PDCD5: variants seen among roughly 807,000 people sequenced by gnomAD.
The protein encoded by PDCD5 is programmed cell death 5.
In PDCD5, 23 loss-of-function variants were observed where a neutral mutation model predicts 21.9. That is an observed-to-expected ratio of 1.05 (90% CI 0.76 to 1.49). The LOEUF is 1.49. Among genes scored for constraint, PDCD5 ranks in the 40% most tolerant of loss-of-function variants. The pLI is 0.00. For synonymous variants in PDCD5, 45 were observed against 49.4 expected (o/e 0.91, Z 0.37); for missense variants, 152 against 147.7 (o/e 1.03, Z -0.15).
At chr19:32,581,852 G>A (rs1971429915) in intron 1 of PDCD5, among the ~76,000 whole-genome samples, 1 of 152,180 alleles carries the variant, frequency 6.6e-6, no homozygotes, top group Non-Finnish European at 1.5e-5. Context: ...GGGACCTTAG[G>A]GACGGAGGGC....
intron 2 of PDCD5, 102 bp downstream of exon 2, chr19:32,582,334 T>C: frequency 1.7e-5 from 18 of 1,063,270 alleles, no homozygotes; most frequent in Non-Finnish European, 2.6e-5. Flanking sequence ...TTTTTTTGTT[T>C]TGCTGGAATG....
chr19:32,583,781 A>T (rs1444988206), intron 2 of PDCD5, among the ~76,000 whole-genome samples: 2 of 152,014 alleles, frequency 1.3e-5, no homozygotes, highest in Non-Finnish European at 2.9e-5. Flanking sequence ...AGCTGCAGTG[A>T]GCTGTGATTG....
chr19:32,586,490 G>T, intron 4 of PDCD5: 1 of 1,100,028 alleles, frequency 9.1e-7, no homozygotes. Context: ...CTCCTTCAAG[G>T]GGATGTTTAA....
rs370091519 is a variant in PDCD5, at chr19:32,585,046, C to G, written c.166+35C>G. 4 of 1,520,370 alleles carry G rather than the reference C, an allele frequency of 2.6e-6. No homozygotes were observed. The Admixed American group carries it at 5.0e-5, about 19-fold the overall frequency. 94.2% of individuals were successfully genotyped at this position (1,520,370 alleles called of 1,614,324 possible). On this transcript the variant is annotated intron_variant, in intron 3 of 5. Coordinates refer to ENST00000590247, the MANE Select transcript of PDCD5 (RefSeq NM_004708.4). ...TTTGATTTCATTTCCATAAAGTTAG[C>G]TTGAGTTAGTTGAATGGGGTGATTA...
intron 5 of PDCD5, 88 bp from the exon 6 acceptor site, chr19:32,587,164 CT>C: frequency 1.8e-6 from 2 of 1,090,662 alleles, no homozygotes; most frequent in Non-Finnish European, 2.8e-6. Context: ...ACACAAATGT[CT>C]TGCTAAAATT....
At chr19:32,584,696 C>T (rs1971459471) in intron 2 of PDCD5, among the ~76,000 whole-genome samples, 1 of 152,226 alleles carries the variant, frequency 6.6e-6, no homozygotes, top group Non-Finnish European at 1.5e-5. Flanking sequence ...TGAGGCTCCA[C>T]TCTGATGAAA....
chr19:32,585,693 C>CT, intron 3 of PDCD5, 123 bp from the exon 4 acceptor site: 1 of 660,586 alleles, frequency 1.5e-6, no homozygotes. Context: ...ACAATACTGT[C>CT]TTGCCCTACA....
chr19:32,586,722 A>G, intron 4 of PDCD5, 136 bp from the exon 5 acceptor site: 1 of 1,377,284 alleles, frequency 7.3e-7, no homozygotes, highest in Non-Finnish European at 9.4e-7. Context: ...AATAGTTTCA[A>G]CCTCCTGCCT....
Position 32,584,819 on chromosome 19 carries a change from A to G in PDCD5, c.105-131A>G. On this transcript the variant is annotated intron_variant, in intron 2 of 5. Transcript: ENST00000590247. Reference sequence around the variant, plus strand: ...TGTAGCTGCAGCCTTATGTACAGCAACTACCATAATGCAGTTTGTATACCG... The same window carrying G: ...TGTAGCTGCAGCCTTATGTACAGCAGCTACCATAATGCAGTTTGTATACCG... 6.8e-6 allele frequency: 5 copies of G among 738,158 alleles called. 1 individual carries two copies. Among genetic ancestry groups the G allele is most frequent in the South Asian group, 6.1e-5 (4 of 65,520 alleles). The allele number at this position is 738,158 out of a possible 1,614,324, so 45.7% of individuals were successfully genotyped here. A position where few individuals can be genotyped will look rare whatever the true frequency, so the allele number is the denominator to read the frequency against.
chr19:32,587,010 AT>A, intron 5 of PDCD5, 81 bp downstream of exon 5: 1 of 1,207,592 alleles, frequency 8.3e-7, no homozygotes, highest in Non-Finnish European at 1.2e-6. Flanking sequence ...TACCACACAT[AT>A]TTTTCAGCCC....
rs1041334525 is a variant in PDCD5 at position 32,586,228 on chromosome 19, T to C, written c.258+321T>C. ...CCAATTAAAATACTACCAGTGTAAG[T>C]AGAAGGTGTGTTTTGCAGATGAGAA... is the stretch of plus-strand genomic sequence containing the variant. On this transcript the variant is annotated intron_variant, in intron 4 of 5. Coordinates refer to ENST00000590247, the MANE Select transcript of PDCD5 (RefSeq NM_004708.4). The C allele has an allele frequency of 3.5e-5, 50 of 1,438,890 alleles. No individual in the cohort carries two copies. In the South Asian group the frequency reaches 7.1e-4, roughly 20 times the overall value. 89.1% of individuals were successfully genotyped at this position (1,438,890 alleles called of 1,614,324 possible). A position where few individuals can be genotyped will look rare whatever the true frequency, so the allele number is the denominator to read the frequency against.
intron 5 of PDCD5, 53 bp downstream of exon 5, chr19:32,586,982 T>G (rs190344844): frequency 1.5e-6 from 2 of 1,353,166 alleles, no homozygotes; most frequent in African/African-American, 1.5e-5. Flanking sequence ...CTTTAAAGAT[T>G]AATGTTGAGT....
At position 32,582,813 on chromosome 19, in the gene PDCD5, T is replaced by C. The variant is rs78702181; in HGVS notation, c.104+581T>C. The stretch of plus-strand genomic sequence containing the variant: ...ACTGAAACCTTTAGCTACTGGACAA[T>C]TCTCTATTTCCCCTTCCTCACCTTC... On this transcript the variant is annotated intron_variant, in intron 2 of 5. Transcript: ENST00000590247. Among the ~76,000 whole-genome samples, 821 of 152,298 alleles carry C rather than the reference T, an allele frequency of 5.4e-3. 22 individuals are homozygous for C. The East Asian group carries it at 0.079, about 15-fold the overall frequency.
intron 1 of PDCD5, chr19:32,581,813 G>T (rs536158033): frequency 2.0e-5 from 5 of 247,632 alleles, no homozygotes; most frequent in Non-Finnish European, 3.0e-5. Context: ...TGGATCACAC[G>T]CCCGGAGAGG....
In PDCD5 at chr19:32,582,123, CAACAG is replaced by C. The variant is rs1168541126; in HGVS notation, c.67-68_67-64del. The C allele has an allele frequency of 4.7e-6, 5 of 1,065,170 alleles. No homozygotes were observed. The African/African-American group carries it at 7.8e-5, about 17-fold the overall frequency. The allele number at this position is 1,065,170 out of a possible 1,614,324, so 66.0% of individuals were successfully genotyped here. On this transcript the variant is annotated intron_variant, in intron 1 of 5. Transcript: ENST00000590247. ...GCAAGAGACTGTTATGTATAGGAAACAACAGAACCGTTCCTTTTTCCCGCCGCCTC... is the reference window on the plus strand; with the variant it reads ...GCAAGAGACTGTTATGTATAGGAAACAACCGTTCCTTTTTCCCGCCGCCTC...
In PDCD5 at chr19:32,587,373, T is replaced by G. The variant is rs1971487959; in HGVS notation, c.*73T>G. 2 of 1,059,600 alleles carry G rather than the reference T, an allele frequency of 1.9e-6. No individual in the cohort carries two copies. Among genetic ancestry groups the G allele is most frequent in the African/African-American group, 3.2e-5 (2 of 62,744 alleles). 65.6% of individuals were successfully genotyped at this position (1,059,600 alleles called of 1,614,324 possible). A position where few individuals can be genotyped will look rare whatever the true frequency, so the allele number is the denominator to read the frequency against. On this transcript the variant is annotated 3_prime_UTR_variant, in exon 6 of 6. Transcript: ENST00000590247. ...GAAGTTAAGATCTGATTATTTACTTTGTTTATTGTCTATATGCCTTTTAAA... is the reference window on the plus strand; with the variant it reads ...GAAGTTAAGATCTGATTATTTACTTGGTTTATTGTCTATATGCCTTTTAAA...
intron 3 of PDCD5, among the ~76,000 whole-genome samples, chr19:32,585,602 C>G (rs1971468313): frequency 6.6e-6 from 1 of 152,182 alleles, no homozygotes; most frequent in African/African-American, 2.4e-5. Flanking sequence ...CAACTTTAAT[C>G]TTGGCTGGGC....
At chr19:32,583,266 C>G (rs1371110805) in intron 2 of PDCD5, among the ~76,000 whole-genome samples, 5 of 151,892 alleles carry the variant, frequency 3.3e-5, no homozygotes, top group African/African-American at 7.3e-5. Flanking sequence ...TTTGTACTGC[C>G]CCTTACTGCA....
chr19:32,584,873 T>C (rs1971461098), intron 2 of PDCD5, 77 bp from the exon 3 acceptor site: 5 of 1,120,010 alleles, frequency 4.5e-6, no homozygotes, highest in Non-Finnish European at 6.9e-6. Flanking sequence ...ACATACTGGA[T>C]GGGTTCTTTC....
Sources: allele counts gnomAD v4.1 joint callset (sites outside exome capture counted in the v4.1 genomes callset), GRCh38; gene constraint gnomAD v4.1.1; transcripts MANE v1.5; gene names NCBI Gene and HGNC (gene_info 2026-07-23, HGNC 2026-07-21).